The following ATRIP variants were observed in gnomAD, a reference collection of about 807,000 sequenced individuals.
ATRIP encodes the protein ATR interacting protein, also known as ATR-interacting protein.
ATRIP carries 44 observed loss-of-function variants against 78.1 expected under a neutral mutation model. The observed-to-expected ratio is 0.56, with a 90% CI of 0.44 to 0.72. The LOEUF is 0.72. Among genes scored for constraint, ATRIP ranks in the 30% least tolerant of loss-of-function variants. ATRIP has a pLI of 0.00. For missense variants in ATRIP, 927 were observed against 980.2 expected, an observed-to-expected ratio of 0.95 and a Z score of 0.72; for synonymous variants, 388 against 408.9, an observed-to-expected ratio of 0.95 and a Z score of 0.62.
rs2040242576 is a variant in ATRIP, at chr3:48,465,148, C to T, written c.2308+65C>T. 7.1e-6 allele frequency: 11 copies of T among 1,557,602 alleles called. No individual in the cohort carries two copies. The South Asian group carries it at 7.2e-5, about 10-fold the overall frequency. On this transcript the variant is annotated intron_variant, in intron 12 of 12. Coordinates refer to ENST00000320211, the MANE Select transcript of ATRIP (RefSeq NM_130384.3). ...TTCTTCCAGAGGTTCCCCAACAAGT[C>T]AGATTCCTGGGTGTCCCCTCAGCAG...
chr3:48,460,303 G>C lies in ATRIP; in HGVS notation c.1249G>C (p.Val417Leu). 2 of 1,613,908 alleles carry C rather than the reference G, an allele frequency of 1.2e-6. No homozygotes were observed. The highest frequency in any genetic ancestry group is 1.7e-6 in the Non-Finnish European group (2 of 1,179,930). ...AFPLCQLPGA[V>L]HFLPLVQFFI... Reference sequence around the variant, plus strand: ...CCCACTCTGCCAGCTTCCTGGAGCCGTGCATTTCCTCCCCCTTGTACAGTT... The same window carrying C: ...CCCACTCTGCCAGCTTCCTGGAGCCCTGCATTTCCTCCCCCTTGTACAGTT... The change falls in exon 8 of 13, where the codon GTG becomes CTG. Residue 417 changes from valine (V) to leucine (L), a missense_variant. Transcript: ENST00000320211.
chr3:48,450,471 T>C, intron 2 of ATRIP: 1 of 1,253,984 alleles, frequency 8.0e-7, no homozygotes, highest in Non-Finnish European at 1.1e-6. Flanking sequence ...AACTTCATAA[T>C]GGTTGCTATT....
At position 48,464,431 on chromosome 3, in the gene ATRIP, T is replaced by G. The variant is rs910548873; in HGVS notation, c.1975-151T>G. 1.2e-4 allele frequency: 111 copies of G among 923,504 alleles called. No homozygotes were observed. In the Admixed American group the frequency reaches 2.2e-3, roughly 19 times the overall value. The allele number at this position is 923,504 out of a possible 1,614,324, so 57.2% of individuals were successfully genotyped here. A position where few individuals can be genotyped will look rare whatever the true frequency, so the allele number is the denominator to read the frequency against. On this transcript the variant is annotated intron_variant, in intron 10 of 12. Transcript: ENST00000320211. ...GACACATGAGTGCTTGTCCTGGGTC[T>G]TCCCTGGGAAGGTCCCACACCACTT...
intron 2 of ATRIP, among the ~76,000 whole-genome samples, chr3:48,451,149 A>G (rs779502192): frequency 4.0e-5 from 6 of 151,212 alleles, no homozygotes; most frequent in Non-Finnish European, 8.8e-5. Flanking sequence ...AGATCGTGCC[A>G]TTGCACTCCA....
At chr3:48,450,433 A>G (rs763116772) in intron 2 of ATRIP, 3 of 1,126,246 alleles carry the variant, frequency 2.7e-6, no homozygotes, top group Non-Finnish European at 3.6e-6. Flanking sequence ...AGATGAATTT[A>G]TAGCATGTAT....
At chr3:48,458,618 CCT>C (rs2040018968) in intron 5 of ATRIP, among the ~76,000 whole-genome samples, 2 of 152,190 alleles carry the variant, frequency 1.3e-5, no homozygotes, top group Non-Finnish European at 2.9e-5. Context: ...CCGTGCCCAG[CCT>C]CTGTTTTCCT....
intron 1 of ATRIP, among the ~76,000 whole-genome samples, chr3:48,449,181 A>G (rs2039764349): frequency 6.6e-6 from 1 of 152,138 alleles, no homozygotes; most frequent in African/African-American, 2.4e-5. Flanking sequence ...TGGGAGGCCA[A>G]GGTGGGCTGA....
At chr3:48,464,463 C>T in intron 10 of ATRIP, 119 bp from the exon 11 acceptor site, 1 of 1,165,890 alleles carries the variant, frequency 8.6e-7, no homozygotes, top group Middle Eastern at 1.9e-4. Context: ...ACTTCTTGGA[C>T]CCCATTTGTG....
rs992317908 is a variant in ATRIP at position 48,466,237 on chromosome 3, G to A, written c.*683G>A. ...GGGCCCACGCCAAGTTTCACTTCCC[G>A]CCACTGCTGCCAGCGAGAGCCGCGG... On this transcript the variant is annotated 3_prime_UTR_variant, in exon 13 of 13. Transcript: ENST00000320211. 1.6e-4 allele frequency: 98 copies of A among 594,734 alleles called. No individual in the cohort carries two copies. The highest frequency in any genetic ancestry group is 1.7e-4 in the Non-Finnish European group (55 of 332,678). 36.8% of individuals were successfully genotyped at this position (594,734 alleles called of 1,614,324 possible).
At position 48,446,973 on chromosome 3, in the gene ATRIP, C is replaced by T. The variant is rs372273511; in HGVS notation, c.128C>T (p.Pro43Leu). 6.4e-6 allele frequency: 10 copies of T among 1,565,812 alleles called. No homozygotes were observed. The highest frequency in any genetic ancestry group is 8.6e-6 in the Non-Finnish European group (10 of 1,159,718). The part of the protein sequence containing the change: ...RARGFSAAAA[P>L]DPDDPFGAHG... ...CGGGGCTTCTCCGCAGCCGCTGCCC[C>T]GGACCCTGACGACCCGTTCGGCGCG... Residue 43 changes from proline (P) to leucine (L), a missense_variant, in exon 1 of 13, where the codon CCG becomes CTG. Coordinates refer to ENST00000320211, the MANE Select transcript of ATRIP (RefSeq NM_130384.3).
At chr3:48,447,548 T>A in intron 1 of ATRIP, 1 of 986,258 alleles carries the variant, frequency 1.0e-6, no homozygotes, top group Non-Finnish European at 1.2e-6. Context: ...AATTTATTCT[T>A]TTATACAACC....
rs780554074 is a variant in ATRIP at position 48,465,514 on chromosome 3, C to T, written c.2336C>T (p.Ala779Val). 2.4e-5 allele frequency: 38 copies of T among 1,613,932 alleles called. No homozygotes were observed. Among genetic ancestry groups the T allele is most frequent in the East Asian group, 8.9e-5 (4 of 44,890 alleles). ...GCAGCCCTGGATGACCTCTGTGCCG[C>T]GGAAACCGATGTGGAAGACCCCGAG... Reference protein sequence around the residue: ...EEAALDDLCAAETDVEDPEVE... With the variant: ...EEAALDDLCAVETDVEDPEVE... The change falls in exon 13 of 13, where the codon GCG (alanine) becomes GTG (valine). Residue 779 changes from alanine to valine, a missense_variant. Physicochemically the swap from Ala to Val is moderately conservative, Grantham distance 64 (BLOSUM62 0). Transcript: ENST00000320211.
At chr3:48,456,152 G>A (rs187956852) in intron 4 of ATRIP, among the ~76,000 whole-genome samples, 154 of 152,034 alleles carry the variant, frequency 1.0e-3, no homozygotes, top group Admixed American at 3.5e-3. Flanking sequence ...ACATTGAAAA[G>A]ATGTTTTGCA....
intron 3 of ATRIP, among the ~76,000 whole-genome samples, chr3:48,452,941 G>C (rs1247046694): frequency 6.7e-6 from 1 of 148,408 alleles, no homozygotes; most frequent in Non-Finnish European, 1.5e-5. Context: ...CTGGAGTGCA[G>C]TGGTGCAATC....
In ATRIP at chr3:48,466,903, A is replaced by G. The variant is rs771727910; in HGVS notation, c.*1349A>G. The stretch of plus-strand genomic sequence containing the variant: ...AAGGCCTGCAGCCCTGCAGCCAGCG[A>G]GATCACAGGTCTGAGCACAGCTGTG... On this transcript the variant is annotated 3_prime_UTR_variant, in exon 13 of 13. Transcript: ENST00000320211. 1 of 1,612,002 alleles carries G rather than the reference A, an allele frequency of 6.2e-7. No homozygotes were observed.
chr3:48,452,835 T>A (rs1381069139), intron 3 of ATRIP, among the ~76,000 whole-genome samples: 1 of 151,408 alleles, frequency 6.6e-6, no homozygotes, highest in Non-Finnish European at 1.5e-5. Context: ...CAGCTCCCAT[T>A]CTAATAAAAT....
At position 48,464,134 on chromosome 3, in the gene ATRIP, TA is replaced by T; in HGVS notation, c.1974+7del. 1 of 1,611,134 alleles carries T rather than the reference TA, an allele frequency of 6.2e-7. No individual in the cohort carries two copies. The highest frequency in any genetic ancestry group is 8.5e-7 in the Non-Finnish European group (1 of 1,177,818). On this transcript the variant is annotated splice_donor_region_variant and intron_variant, in intron 10 of 12. Coordinates refer to ENST00000320211, the MANE Select transcript of ATRIP (RefSeq NM_130384.3). ...CAATGGCTCCAGCTGGAACAAGAGGTAAAAACTCCAGAGCCCCTTCTGGACA... is the reference window on the plus strand; with the variant it reads ...CAATGGCTCCAGCTGGAACAAGAGGTAAAACTCCAGAGCCCCTTCTGGACA...
At chr3:48,457,582 GA>G (rs1387043048) in intron 5 of ATRIP, among the ~76,000 whole-genome samples, 166 bp downstream of exon 5, 5 of 152,244 alleles carry the variant, frequency 3.3e-5, no homozygotes, top group Admixed American at 6.5e-5. Flanking sequence ...TCTTAAGCTG[GA>G]GGATCTATTT....
In ATRIP at chr3:48,447,111, CT is replaced by C. The variant is rs1181568894; in HGVS notation, c.247+23del. 9 of 1,490,348 alleles carry C rather than the reference CT, an allele frequency of 6.0e-6. No individual in the cohort carries two copies. The highest frequency in any genetic ancestry group is 4.7e-5 in the Admixed American group (2 of 42,900). 92.3% of individuals were successfully genotyped at this position (1,490,348 alleles called of 1,614,324 possible). ...GTGTCCAGTGAGTGCTCCTCGCGGCCTTTTGCTCGGAGGGAGTTGTCAACCG... is the reference window on the plus strand; with the variant it reads ...GTGTCCAGTGAGTGCTCCTCGCGGCCTTTGCTCGGAGGGAGTTGTCAACCG... On this transcript the variant is annotated intron_variant, in intron 1 of 12. Transcript: ENST00000320211.
Sources: gnomAD v4.1 joint callset for allele counts (sites outside exome capture counted in the v4.1 genomes callset) on GRCh38, gnomAD v4.1.1 for gene constraint, MANE v1.5 for transcripts, NCBI Gene and HGNC (gene_info 2026-07-23, HGNC 2026-07-21) for gene names.